AP2A1: variants seen among roughly 807,000 people sequenced by gnomAD.
The protein encoded by AP2A1 is adaptor related protein complex 2 subunit alpha 1.
AP2A1 carries 21 observed loss-of-function variants against 107.3 expected under a neutral mutation model. The ratio of observed to expected loss-of-function variants is 0.20; its 90% CI spans 0.14 to 0.28. The LOEUF is 0.28. AP2A1 is among the 10% of genes least tolerant of loss of function. The pLI is 1.00. For missense variants in AP2A1, 873 were observed against 1,307.7 expected (o/e 0.67, Z 5.13); for synonymous variants, 602 against 564.8 (o/e 1.07, Z -0.93).
At position 49,767,216 on chromosome 19, in the gene AP2A1, G is replaced by C. The variant is rs532052027; in HGVS notation, c.67+16G>C. ...ATCCGGAACTGTGAGCGCGCGGCCG[G>C]GGGACACTGGAGACGCGGGGGAGGG... On this transcript the variant is annotated intron_variant, in intron 1 of 22. Transcript: ENST00000354293. 9 of 1,611,168 alleles carry C rather than the reference G, an allele frequency of 5.6e-6. No individual in the cohort carries two copies. The East Asian group carries it at 1.3e-4, about 24-fold the overall frequency.
chr19:49,795,433 A>C (rs1419575095), intron 6 of AP2A1, among the ~76,000 whole-genome samples, 197 bp from the exon 7 acceptor site: 3 of 151,916 alleles, frequency 2.0e-5, no homozygotes, highest in Non-Finnish European at 4.4e-5. Context: ...GAGGTGGGAG[A>C]ATTGCTTGAG....
chr19:49,772,905 G>T (rs1026535540), intron 1 of AP2A1, among the ~76,000 whole-genome samples: 4 of 152,010 alleles, frequency 2.6e-5, no homozygotes. Context: ...ACGCTGGGGA[G>T]TGGGCAGAGG....
At chr19:49,795,586 C>CCCCCCCCCCCCCCCCCCACAAAA in intron 6 of AP2A1, 44 bp from the exon 7 acceptor site, 1 of 727,796 alleles carries the variant, frequency 1.4e-6, no homozygotes, top group African/African-American at 1.8e-5. Flanking sequence ...CCACGTGCCC[C>CCCCCCCCCCCCCCCCCCACAAAA]TCCCACCCCA....
In AP2A1 at chr19:49,767,102, C is replaced by A. The variant is rs771968944; in HGVS notation, c.-32C>A. On this transcript the variant is annotated 5_prime_UTR_variant, in exon 1 of 23. Coordinates refer to ENST00000354293, the MANE Select transcript of AP2A1 (RefSeq NM_130787.3). ...AGCCCCCGCTGCTCTGTGCCCTGTC[C>A]GGCCAGGCCTGGAGCCGACACCACC... is the stretch of plus-strand genomic sequence containing the variant. 1.4e-5 allele frequency: 23 copies of A among 1,608,178 alleles called. No homozygotes were observed. In the South Asian group the frequency reaches 1.9e-4, roughly 13 times the overall value.
intron 1 of AP2A1, among the ~76,000 whole-genome samples, chr19:49,768,010 G>T (rs1394723366): frequency 1.3e-5 from 2 of 152,010 alleles, no homozygotes; most frequent in Non-Finnish European, 2.9e-5. Context: ...CATTAGAGTA[G>T]GGGATTGGGG....
intron 1 of AP2A1, among the ~76,000 whole-genome samples, chr19:49,775,710 G>T (rs2123673812): frequency 6.6e-6 from 1 of 152,256 alleles, no homozygotes; most frequent in East Asian, 1.9e-4. Context: ...GCCTTCAGAA[G>T]GCTTTCTGAG....
rs199728232 is a variant in AP2A1 at position 49,799,947 on chromosome 19, T to A, written c.1273-21T>A. On this transcript the variant is annotated intron_variant, in intron 10 of 22. Transcript: ENST00000354293. Reference sequence around the variant, plus strand: ...CCGACATGGCCTGCGGCACACTCTCTCTCACACGCCCCGGCGGCAGGTCCT... The same window carrying A: ...CCGACATGGCCTGCGGCACACTCTCACTCACACGCCCCGGCGGCAGGTCCT... The A allele has an allele frequency of 4.6e-4, 747 of 1,610,804 alleles. 1 individual carries two copies. The highest frequency in any genetic ancestry group is 6.0e-4 in the Non-Finnish European group (709 of 1,177,460).
At position 49,785,848 on chromosome 19, in the gene AP2A1, T is replaced by G. The variant is rs2084730293; in HGVS notation, c.473+3124T>G. 6.7e-6 allele frequency among the ~76,000 whole-genome samples: 1 copy of G among 150,344 alleles called. No homozygotes were observed. The highest frequency in any genetic ancestry group is 2.5e-5 in the African/African-American group (1 of 40,718). Reference sequence around the variant, plus strand: ...AGGAGAATTGCTTGAACCCAGGAGGTGGAGGTTGCAGTGAGTGGAGATTGT... The same window carrying G: ...AGGAGAATTGCTTGAACCCAGGAGGGGGAGGTTGCAGTGAGTGGAGATTGT... On this transcript the variant is annotated intron_variant, in intron 4 of 22. Transcript: ENST00000354293. The surrounding 1 kb of genome is among the most constrained non-coding windows in gnomAD (Gnocchi z 4.1).
At chr19:49,775,768 C>T (rs924589416) in intron 1 of AP2A1, among the ~76,000 whole-genome samples, 17 of 152,186 alleles carry the variant, frequency 1.1e-4, no homozygotes, top group African/African-American at 4.1e-4. Flanking sequence ...AGGTCTCGGT[C>T]TCTGTAGAGG....
At chr19:49,802,416 C>T (rs1400928086) in intron 15 of AP2A1, 4 of 1,065,844 alleles carry the variant, frequency 3.8e-6, no homozygotes, top group Non-Finnish European at 2.8e-6. Flanking sequence ...TTCTCCTTCT[C>T]TCCTTCCCTC....
chr19:49,772,223 A>C (rs1406359954), intron 1 of AP2A1, among the ~76,000 whole-genome samples: 1 of 146,162 alleles, frequency 6.8e-6, no homozygotes, highest in African/African-American at 2.6e-5. Context: ...ATGCCCAGCA[A>C]ATTTTTTTGT....
chr19:49,787,351 T>G (rs1200563147), intron 4 of AP2A1, among the ~76,000 whole-genome samples: 6 of 116,832 alleles, frequency 5.1e-5, no homozygotes, highest in African/African-American at 1.7e-4. Flanking sequence ...TTTTTTGTTT[T>G]TTGTTTTTTT....
rs936390698 is a variant in AP2A1, at chr19:49,785,884, TC to T, written c.473+3162del. On this transcript the variant is annotated intron_variant, in intron 4 of 22. Transcript: ENST00000354293. This position sits in a 1 kb window ranked among gnomAD's most constrained non-coding sequence, Gnocchi z 4.1. ...GTGAGTGGAGATTGTGCCACTGCAC[TC>T]CAGCCTGGGTGACAGAGCGAGACTC... 2.6e-5 allele frequency among the ~76,000 whole-genome samples: 4 copies of T among 151,378 alleles called. No individual in the cohort carries two copies. Among genetic ancestry groups the T allele is most frequent in the African/African-American group, 9.7e-5 (4 of 41,088 alleles).
At position 49,781,982 on chromosome 19, in the gene AP2A1, T is replaced by C; in HGVS notation, c.172T>C (p.Tyr58His). Residue 58 changes from tyrosine (Y) to histidine (H), a missense_variant, in exon 3 of 23, where the codon TAT becomes CAT. Coordinates refer to ENST00000354293, the MANE Select transcript of AP2A1 (RefSeq NM_130787.3). Reference protein sequence around the residue: ...KALDGYSKKKYVCKLLFIFLL... With the variant: ...KALDGYSKKKHVCKLLFIFLL... The stretch of plus-strand genomic sequence containing the variant: ...CTTGGATGGCTACAGTAAGAAAAAA[T>C]ATGTGTGTAAACTGCTTTTCATCTT... 1 of 1,611,800 alleles carries C rather than the reference T, an allele frequency of 6.2e-7. No homozygotes were observed. Among genetic ancestry groups the C allele is most frequent in the South Asian group, 1.1e-5 (1 of 90,640 alleles).
intron 22 of AP2A1, 57 bp downstream of exon 22, chr19:49,806,310 G>GTCCACCCTTCCTGCC: frequency 1.3e-6 from 2 of 1,520,058 alleles, no homozygotes; most frequent in Non-Finnish European, 1.8e-6. Context: ...TCATCTCTGC[G>GTCCACCCTTCCTGCC]TCCACCCTTC....
At chr19:49,804,202 C>G (rs1405239299) in intron 18 of AP2A1, 4 of 152,058 alleles carry the variant, frequency 2.6e-5, no homozygotes, top group African/African-American at 9.7e-5. Context: ...TACCACTACA[C>G]TCCAGTCTGG....
chr19:49,784,829 C>G (rs1043657792), intron 4 of AP2A1, among the ~76,000 whole-genome samples: 3 of 152,114 alleles, frequency 2.0e-5, no homozygotes, highest in Non-Finnish European at 4.4e-5. Context: ...GATCTCATCA[C>G]TGCACTCTAA....
intron 4 of AP2A1, among the ~76,000 whole-genome samples, chr19:49,783,855 T>G (rs567613353): frequency 6.6e-6 from 1 of 152,354 alleles, no homozygotes; most frequent in Non-Finnish European, 1.5e-5. Flanking sequence ...ATTACCTGTC[T>G]GAAACGTTGG....
At chr19:49,798,363 G>A (rs2073237038) in intron 7 of AP2A1, among the ~76,000 whole-genome samples, 1 of 152,190 alleles carries the variant, frequency 6.6e-6, no homozygotes, top group African/African-American at 2.4e-5. Context: ...ACACTTGGGT[G>A]GGTGGCTTGT....
Sources: gnomAD v4.1 joint callset for allele counts (sites outside exome capture counted in the v4.1 genomes callset) on GRCh38, gnomAD v4.1.1 for gene constraint, Gnocchi (gnomAD v3.1) non-coding constraint, MANE v1.5 for transcripts, NCBI Gene and HGNC (gene_info 2026-07-23, HGNC 2026-07-21) for gene names.